URB1: variants seen among roughly 807,000 people sequenced by gnomAD.
URB1 encodes the protein URB1 ribosome biogenesis factor, also known as nucleolar pre-ribosomal-associated protein 1.
A neutral mutation model predicts 242.3 loss-of-function variants in URB1; 197 were observed. The observed-to-expected ratio is 0.81, with a 90% confidence interval of 0.72 to 0.91. The LOEUF is 0.91. Ranked by LOEUF, URB1 falls within the 40% of genes least tolerant of loss-of-function variation. The probability of loss-of-function intolerance (pLI) is 0.00; values close to 1 mark genes in which losing one functional copy is unlikely to be tolerated. For missense variants in URB1, 2,721 were observed against 2,860.5 expected (o/e 0.95, Z 1.11); for synonymous variants, 1,153 against 1,201.8 (o/e 0.96, Z 0.84).
intron 3 of URB1, 146 bp downstream of exon 3, chr21:32,384,167 G>T: frequency 3.0e-6 from 3 of 1,012,652 alleles, no homozygotes; most frequent in East Asian, 2.6e-5. Context: ...CACAAAGGAA[G>T]GGGGCAGAGA....
intron 10 of URB1, among the ~76,000 whole-genome samples, chr21:32,364,696 TTTC>T (rs1162676955): frequency 3.9e-5 from 6 of 152,256 alleles, no homozygotes; most frequent in Non-Finnish European, 8.8e-5. Context: ...TTCCAAACGC[TTTC>T]TTATTTCCTG....
rs573328313 is a variant in URB1 at position 32,373,577 on chromosome 21, T to A, written c.876+70A>T. 1,003 of 1,465,300 alleles carry A rather than the reference T, an allele frequency of 6.8e-4. 18 individuals are homozygous for A. The South Asian group carries it at 0.014, about 20-fold the overall frequency. 90.8% of individuals were successfully genotyped at this position (1,465,300 alleles called of 1,614,324 possible). ...TTCAAGTCTGGTGCGGTGTTGAGAA[T>A]TCTCCCTCTCCCAACCCTGAGGATC... On this transcript the variant is annotated intron_variant, in intron 7 of 38. Transcript: ENST00000382751.
chr21:32,388,540 C>T (rs1035046867), intron 1 of URB1, among the ~76,000 whole-genome samples: 7 of 152,168 alleles, frequency 4.6e-5, no homozygotes, highest in South Asian at 2.1e-4. Context: ...CTCTGAGCTT[C>T]GGGGCCAGAC....
rs372625924 is a variant in URB1, at chr21:32,313,215, C to G, written c.*1703G>C. On this transcript the variant is annotated 3_prime_UTR_variant, in exon 39 of 39. Coordinates refer to ENST00000382751, the MANE Select transcript of URB1 (RefSeq NM_014825.3). ...GCCGTGGAAATCCACCCCACCTGCT[C>G]GCTGCCCCTCCCTGTGCCCCCAGAG... 6.6e-6 allele frequency: 1 copy of G among 152,342 alleles called. No homozygotes were observed. Among genetic ancestry groups the G allele is most frequent in the Non-Finnish European group, 1.5e-5 (1 of 68,158 alleles). 9.4% of individuals were successfully genotyped at this position (152,342 alleles called of 1,614,324 possible).
chr21:32,322,270 A>G (rs2032776023), intron 33 of URB1, among the ~76,000 whole-genome samples: 1 of 152,254 alleles, frequency 6.6e-6, no homozygotes, highest in Non-Finnish European at 1.5e-5. Context: ...CAGGACTCTG[A>G]AGCAGAGTTT....
chr21:32,320,658 G>A lies in URB1; in HGVS notation c.5485-18C>T. 1 of 1,526,444 alleles carries A rather than the reference G, an allele frequency of 6.6e-7. No homozygotes were observed. The highest frequency in any genetic ancestry group is 8.9e-7 in the Non-Finnish European group (1 of 1,125,722). The allele number at this position is 1,526,444 out of a possible 1,614,324, so 94.6% of individuals were successfully genotyped here. A position where few individuals can be genotyped will look rare whatever the true frequency, so the allele number is the denominator to read the frequency against. On this transcript the variant is annotated intron_variant, in intron 34 of 38. Transcript: ENST00000382751. ...ATCCAATTCTGAAAACCCCAAACAA[G>A]AAGTTACTCTTCAGTGAGAAAACCC...
chr21:32,354,026 C>G lies in URB1; in HGVS notation c.2323G>C (p.Asp775His), dbSNP rs373327979. 1.9e-6 allele frequency: 3 copies of G among 1,551,646 alleles called. No homozygotes were observed. Among genetic ancestry groups the G allele is most frequent in the East Asian group, 2.4e-5 (1 of 40,938 alleles). ...AATGGGAACGTGAGCAGGATCATGT[C>G]TTCACTCAACGTGAACCCTATTTCC... ...DEEIGFTLSEDMILLTFPFSA... is the reference protein window; with the variant it reads ...DEEIGFTLSEHMILLTFPFSA... Residue 775 changes from aspartate to histidine, a missense_variant, in exon 18 of 39, where the codon GAC (aspartate) becomes CAC (histidine). Transcript: ENST00000382751.
At chr21:32,357,398 C>A in intron 15 of URB1, 139 bp downstream of exon 15, 25 of 825,594 alleles carry the variant, frequency 3.0e-5, no homozygotes, top group Middle Eastern at 5.0e-4. Flanking sequence ...ATAAATTAAA[C>A]TGCCATAAAA....
In URB1 at chr21:32,373,705, T is replaced by C. The variant is rs756378884; in HGVS notation, c.818A>G (p.His273Arg). ...ATTCCAGTTGTACAGCGATGCTATG[T>C]GGTTCAATAACTGCCCCGTAAAGAA... ...VRFFTGQLLNHIASLYNWNGI... is the reference protein window; with the variant it reads ...VRFFTGQLLNRIASLYNWNGI... The change falls in exon 7 of 39, where the codon CAC becomes CGC. Residue 273 changes from histidine to arginine, a missense_variant. Coordinates refer to ENST00000382751, the MANE Select transcript of URB1 (RefSeq NM_014825.3). 6.5e-7 allele frequency: 1 copy of C among 1,549,832 alleles called. No individual in the cohort carries two copies. The highest frequency in any genetic ancestry group is 8.7e-7 in the Non-Finnish European group (1 of 1,146,402).
Position 32,391,875 on chromosome 21 carries a change from A to G in URB1, c.142+894T>C, listed in dbSNP as rs147310908. Among the ~76,000 whole-genome samples the G allele has an allele frequency of 5.7e-3, 827 of 146,066 alleles. 16 individuals are homozygous for G. Among genetic ancestry groups the G allele is most frequent in the African/African-American group, 0.021 (798 of 38,558 alleles). The stretch of plus-strand genomic sequence containing the variant: ...AAAAAGTAAAAAAAAAAAAAAAAAC[A>G]TAGCTGGGCATGGTGTTGTGCACCT... On this transcript the variant is annotated intron_variant, in intron 1 of 38. Transcript: ENST00000382751.
In URB1 at chr21:32,368,612, AC is replaced by A; in HGVS notation, c.1002-15del. On this transcript the variant is annotated splice_polypyrimidine_tract_variant and intron_variant, in intron 8 of 38. Coordinates refer to ENST00000382751, the MANE Select transcript of URB1 (RefSeq NM_014825.3). ...AGGTTTCCGCCTCTGTTAGAGAAAG[AC>A]ACATGGGGAGAGGTCAGCAGAAAAT... 1 of 1,545,614 alleles carries A rather than the reference AC, an allele frequency of 6.5e-7. No individual in the cohort carries two copies. The highest frequency in any genetic ancestry group is 8.7e-7 in the Non-Finnish European group (1 of 1,144,570).
chr21:32,357,566 T>G lies in URB1; in HGVS notation c.1960A>C (p.Lys654Gln). 1 of 1,530,148 alleles carries G rather than the reference T, an allele frequency of 6.5e-7. No individual in the cohort carries two copies. Among genetic ancestry groups the G allele is most frequent in the Admixed American group, 2.2e-5 (1 of 45,474 alleles). The allele number at this position is 1,530,148 out of a possible 1,614,324, so 94.8% of individuals were successfully genotyped here. A position where few individuals can be genotyped will look rare whatever the true frequency, so the allele number is the denominator to read the frequency against. ...ATGATCAGAAGTTTGGTCAATGACT[T>G]CAGTTGTAAATGGCTACTGGTCACA... ...MFVTSSHLQL[K>Q]SLTKLLIMKI... The change falls in exon 15 of 39, where the codon AAG becomes CAG. Residue 654 changes from lysine to glutamine, a missense_variant. Lys to Gln is a moderately conservative substitution (Grantham distance 53). Coordinates refer to ENST00000382751, the MANE Select transcript of URB1 (RefSeq NM_014825.3).
At chr21:32,383,704 A>G (rs1373460787) in intron 3 of URB1, 150 bp from the exon 4 acceptor site, 1 of 973,142 alleles carries the variant, frequency 1.0e-6, no homozygotes, top group East Asian at 2.9e-5. Flanking sequence ...TTTTTTAAGG[A>G]AAAAGAAAAA....
intron 10 of URB1, among the ~76,000 whole-genome samples, chr21:32,363,900 C>A (rs754787463): frequency 3.9e-5 from 6 of 152,034 alleles, no homozygotes; most frequent in Non-Finnish European, 7.4e-5. Flanking sequence ...AGCCAATCCT[C>A]CTGCCTCAGC....
At position 32,384,447 on chromosome 21, in the gene URB1, T is replaced by G. The variant is rs896521211; in HGVS notation, c.300A>C (p.Gln100His). 1 of 1,551,232 alleles carries G rather than the reference T, an allele frequency of 6.4e-7. No homozygotes were observed. Among genetic ancestry groups the G allele is most frequent in the East Asian group, 2.4e-5 (1 of 40,906 alleles). The change falls in exon 3 of 39, where the codon CAA becomes CAC. Residue 100 changes from glutamine (Q) to histidine (H), a missense_variant. Transcript: ENST00000382751. ...TCCGCAATAATATGGCCTCGAAAACTTGAAATATTAACATCGTCTGCAAAG... is the reference window on the plus strand; with the variant it reads ...TCCGCAATAATATGGCCTCGAAAACGTGAAATATTAACATCGTCTGCAAAG... ...RPESETMLIF[Q>H]VFEAILLRTA...
At chr21:32,356,803 C>G (rs752789382) in intron 15 of URB1, among the ~76,000 whole-genome samples, 4 of 152,196 alleles carry the variant, frequency 2.6e-5, no homozygotes, top group Non-Finnish European at 5.9e-5. Flanking sequence ...CTGACTGTGC[C>G]AATTTCACCT....
chr21:32,344,966 T>C (rs145414771), intron 23 of URB1, among the ~76,000 whole-genome samples: 277 of 152,290 alleles, frequency 1.8e-3, no homozygotes, highest in African/African-American at 6.3e-3. Context: ...ATACTATTAG[T>C]ACACCAGGAA....
At chr21:32,354,538 G>A (rs920414627) in intron 17 of URB1, among the ~76,000 whole-genome samples, 10 of 152,130 alleles carry the variant, frequency 6.6e-5, no homozygotes, top group Admixed American at 1.3e-4. Context: ...TGCCCCAGCC[G>A]CTTTATCTCT....
At chr21:32,388,386 A>G (rs935131478) in intron 1 of URB1, among the ~76,000 whole-genome samples, 2 of 152,250 alleles carry the variant, frequency 1.3e-5, no homozygotes, top group African/African-American at 4.8e-5. Context: ...CCTCAGCAGC[A>G]GCAGTGAAAA....
Sources: gnomAD v4.1 joint callset for allele counts (sites outside exome capture counted in the v4.1 genomes callset) on GRCh38, gnomAD v4.1.1 for gene constraint, MANE v1.5 for transcripts, NCBI Gene and HGNC (gene_info 2026-07-23, HGNC 2026-07-21) for gene names.